Variants in GNAL observed in about 807,000 individuals in gnomAD.
GNAL encodes the protein G protein subunit alpha L.
In GNAL, 18 loss-of-function variants were observed where a neutral mutation model predicts 55.1. The ratio of observed to expected loss-of-function variants is 0.33; its 90% CI spans 0.23 to 0.48. GNAL has a LOEUF of 0.48. Ranked by LOEUF, GNAL falls within the 20% of genes least tolerant of loss-of-function variation. GNAL has a pLI of 0.99. For synonymous variants in GNAL, 253 were observed against 237.0 expected (o/e 1.07, Z -0.62); for missense variants, 412 against 614.1 (o/e 0.67, Z 3.48).
At chr18:11,747,460 G>GCCACTA (rs1407566810) in intron 1 of GNAL, 2 of 162,218 alleles carry the variant, frequency 1.2e-5, no homozygotes, top group Non-Finnish European at 2.7e-5. Flanking sequence ...AGGCTTGAAT[G>GCCACTA]CCACTACCCA....
chr18:11,758,064 A>C (rs150963936), intron 4 of GNAL, among the ~76,000 whole-genome samples: 1 of 152,274 alleles, frequency 6.6e-6, no homozygotes, highest in African/African-American at 2.4e-5. Flanking sequence ...GTCTGAATGA[A>C]AAGGGCTGGA....
At chr18:11,749,140 A>C (rs1053943450) in intron 1 of GNAL, among the ~76,000 whole-genome samples, 134 of 133,652 alleles carry the variant, frequency 1.0e-3, no homozygotes, top group Non-Finnish European at 1.4e-3. Context: ...AAAAAAAAAA[A>C]AAAAAAAAAA....
At chr18:11,700,443 C>T (rs879825794) in intron 1 of GNAL, among the ~76,000 whole-genome samples, 6 of 152,252 alleles carry the variant, frequency 3.9e-5, no homozygotes, top group Non-Finnish European at 8.8e-5. Context: ...GTGTCCCATC[C>T]TGTAAGGCTG....
In GNAL at chr18:11,689,485, A is replaced by T. The variant is rs1392133774; in HGVS notation, c.-79A>T. 3.2e-6 allele frequency: 2 copies of T among 633,292 alleles called. No homozygotes were observed. Among genetic ancestry groups the T allele is most frequent in the African/African-American group, 3.8e-5 (2 of 52,382 alleles). 39.2% of individuals were successfully genotyped at this position (633,292 alleles called of 1,614,324 possible). ...CCCCTCCGCTGAGGCGCCGGCCTGA[A>T]CTGGGCGCGGGAACCAGGCCGCCCT... On this transcript the variant is annotated 5_prime_UTR_variant, in exon 1 of 12. Transcript: ENST00000334049.
chr18:11,823,104 A>G (rs986049616), intron 4 of GNAL, among the ~76,000 whole-genome samples: 1 of 152,110 alleles, frequency 6.6e-6, no homozygotes, highest in African/African-American at 2.4e-5. Context: ...CACTCTCTTC[A>G]TGGCCAACTT....
intron 4 of GNAL, among the ~76,000 whole-genome samples, chr18:11,775,210 G>C (rs1393378323): frequency 6.6e-6 from 1 of 152,242 alleles, no homozygotes; most frequent in Non-Finnish European, 1.5e-5. Context: ...AAAGCACTGT[G>C]TTCTGGCGAA....
At chr18:11,853,402 C>T (rs1385312347) in intron 5 of GNAL, 2 of 167,110 alleles carry the variant, frequency 1.2e-5, no homozygotes, top group Non-Finnish European at 2.9e-5. Flanking sequence ...TTCTCATAGC[C>T]TCGAAACATG....
chr18:11,878,456 A>G (rs1334081556), intron 11 of GNAL, among the ~76,000 whole-genome samples: 1 of 152,204 alleles, frequency 6.6e-6, no homozygotes, highest in African/African-American at 2.4e-5. Context: ...ATCTCAAAAT[A>G]AAAACAAAAA....
chr18:11,881,285 C>T lies in GNAL; in HGVS notation c.*150C>T. On this transcript the variant is annotated 3_prime_UTR_variant, in exon 12 of 12. Coordinates refer to ENST00000334049, the MANE Select transcript of GNAL (RefSeq NM_182978.4). This position sits in a 1 kb window ranked among gnomAD's most constrained non-coding sequence, Gnocchi z 4.8. ...ACCAAGCCTCTGGCTACCTCTGTCC[C>T]CTCAGGTTTGGTTGTGTAGCTTCTG... 1.4e-6 allele frequency: 1 copy of T among 734,482 alleles called. No individual in the cohort carries two copies. The highest frequency in any genetic ancestry group is 2.1e-5 in the South Asian group (1 of 48,724). The allele number at this position is 734,482 out of a possible 1,614,324, so 45.5% of individuals were successfully genotyped here.
At chr18:11,767,217 AC>A (rs1404377236) in intron 4 of GNAL, among the ~76,000 whole-genome samples, 1 of 146,872 alleles carries the variant, frequency 6.8e-6, no homozygotes, top group Non-Finnish European at 1.5e-5. Context: ...CTCTCTGTGC[AC>A]CCTTATGCTT....
chr18:11,870,157 C>T (rs550075785), intron 9 of GNAL, among the ~76,000 whole-genome samples: 88 of 152,286 alleles, frequency 5.8e-4, no homozygotes, highest in African/African-American at 2.0e-3. Context: ...CAATCCCCCA[C>T]GGGTATCAAG....
chr18:11,875,690 A>G (rs1273741382), intron 10 of GNAL, among the ~76,000 whole-genome samples: 3 of 152,198 alleles, frequency 2.0e-5, no homozygotes, highest in African/African-American at 7.2e-5. Context: ...AGATACCAGC[A>G]TCGTGCTTCC....
intron 4 of GNAL, among the ~76,000 whole-genome samples, chr18:11,805,983 C>T (rs1484923416): frequency 6.6e-6 from 1 of 152,160 alleles, no homozygotes; most frequent in Non-Finnish European, 1.5e-5. Context: ...ATAAGTGTCC[C>T]TTTTCTCTCC....
rs1210024031 is a variant in GNAL, at chr18:11,768,978, TTATATATTCTATATTATAATATAGAATA to T, written c.624+15057_624+15084del. 1.4e-3 allele frequency among the ~76,000 whole-genome samples: 159 copies of T among 110,320 alleles called. 35 individuals carry two copies. The highest frequency in any genetic ancestry group is 7.1e-3 in the African/African-American group (146 of 20,472). The allele number at this position is 110,320 out of a possible 152,430, so 72.4% of individuals were successfully genotyped here. On this transcript the variant is annotated intron_variant, in intron 4 of 11. Transcript: ENST00000334049. ...TGTTATATATAATATATTATATATATTATATATTCTATATTATAATATAGAATATATATATTCTATATTATAATATATT... is the reference window on the plus strand; with the variant it reads ...TGTTATATATAATATATTATATATATTATATATTCTATATTATAATATATT...
intron 5 of GNAL, among the ~76,000 whole-genome samples, chr18:11,830,461 C>T (rs2035355634): frequency 6.6e-6 from 1 of 151,914 alleles, no homozygotes; most frequent in Admixed American, 6.6e-5. Context: ...AATTCTAAGA[C>T]CTCTTAAAGT....
intron 4 of GNAL, among the ~76,000 whole-genome samples, chr18:11,811,850 A>C (rs2034826360): frequency 6.6e-6 from 1 of 152,242 alleles, no homozygotes; most frequent in Non-Finnish European, 1.5e-5. Context: ...TACATAATTC[A>C]AGCTTGATGT....
intron 5 of GNAL, among the ~76,000 whole-genome samples, chr18:11,835,614 A>T (rs975903218): frequency 5.3e-5 from 8 of 151,788 alleles, no homozygotes; most frequent in Non-Finnish European, 1.0e-4. Context: ...AAAAATATGT[A>T]TATGTAAAGC....
intron 1 of GNAL, among the ~76,000 whole-genome samples, chr18:11,707,300 A>G (rs1269055358): frequency 6.6e-6 from 1 of 152,204 alleles, no homozygotes; most frequent in East Asian, 1.9e-4. Context: ...TGCTTGATCC[A>G]TGGGCTGAAG....
At chr18:11,729,584 A>T (rs536022906) in intron 1 of GNAL, among the ~76,000 whole-genome samples, 1 of 152,120 alleles carries the variant, frequency 6.6e-6, no homozygotes, top group East Asian at 1.9e-4. Flanking sequence ...ATTACCTTTT[A>T]TTGTAGATAT....
Sources: allele counts gnomAD v4.1 joint callset (sites outside exome capture counted in the v4.1 genomes callset), GRCh38; gene constraint gnomAD v4.1.1; non-coding constraint Gnocchi (gnomAD v3.1); transcripts MANE v1.5; gene names NCBI Gene and HGNC (gene_info 2026-07-23, HGNC 2026-07-21).